Variants in MTFR1 observed in about 807,000 individuals in gnomAD.
MTFR1 encodes chondrocyte protein with a poly-proline region.
A neutral mutation model predicts 38.8 loss-of-function variants in MTFR1; 28 were observed. That is an observed-to-expected ratio of 0.72 (90% confidence interval 0.53 to 0.99). The LOEUF (loss-of-function observed/expected upper bound fraction) is 0.99, where lower values mean the gene tolerates loss of function less well. Ranked by LOEUF, MTFR1 falls within the 50% of genes least tolerant of loss-of-function variation. MTFR1 has a pLI of 0.00. For missense variants in MTFR1, 358 were observed against 395.5 expected (o/e 0.91, Z 0.81); for synonymous variants, 145 against 137.0 (o/e 1.06, Z -0.41).
rs147577462 is a variant in MTFR1, at chr8:65,768,575, T to G, written c.*49-2372T>G. On this transcript the variant is annotated intron_variant, in intron 3 of 3. Coordinates refer to the MTFR1 transcript ENST00000521247. Reference sequence around the variant, plus strand: ...TAATAAACCTCTTTCTTTTGTAGATTGCCCAATCTTGGAATGTCTTTATCA... The same window carrying G: ...TAATAAACCTCTTTCTTTTGTAGATGGCCCAATCTTGGAATGTCTTTATCA... Among the ~76,000 whole-genome samples the G allele has an allele frequency of 4.9e-4, 74 of 152,314 alleles. 2 individuals carry two copies. In the South Asian group the frequency reaches 0.015, roughly 31 times the overall value.
At chr8:65,684,822 T>C (rs1805021660) in intron 3 of MTFR1, among the ~76,000 whole-genome samples, 1 of 151,548 alleles carries the variant, frequency 6.6e-6, no homozygotes, top group Non-Finnish European at 1.5e-5. Context: ...CCGGCCAACA[T>C]GGAGAAACCC....
chr8:65,655,970 C>CATATATATATACATGTGTATATATAT (rs1809253836), intron 1 of MTFR1, among the ~76,000 whole-genome samples: 2 of 53,636 alleles, frequency 3.7e-5, no homozygotes, highest in Non-Finnish European at 6.2e-5. Context: ...ATATATATAC[C>CATATATATATACATGTGTATATATAT]ATATATATAT....
At chr8:65,756,420 T>C (rs1808242513) in intron 3 of MTFR1, among the ~76,000 whole-genome samples, 1 of 151,790 alleles carries the variant, frequency 6.6e-6, no homozygotes, top group Non-Finnish European at 1.5e-5. Flanking sequence ...TCAGGCTCTG[T>C]TCATTTCTCT....
intron 1 of MTFR1, among the ~76,000 whole-genome samples, chr8:65,657,607 G>A (rs1228821958): frequency 2.6e-5 from 4 of 151,844 alleles, no homozygotes; most frequent in Non-Finnish European, 5.9e-5. Flanking sequence ...AGGTGGCTAA[G>A]GCAGGAGAAT....
intron 3 of MTFR1, among the ~76,000 whole-genome samples, chr8:65,692,782 C>T (rs1419206764): frequency 6.6e-6 from 1 of 151,766 alleles, no homozygotes; most frequent in Non-Finnish European, 1.5e-5. Context: ...TTTTAAAAAA[C>T]ATTTTCAACA....
intron 3 of MTFR1, among the ~76,000 whole-genome samples, chr8:65,770,231 A>G (rs1277948727): frequency 6.6e-6 from 1 of 151,118 alleles, no homozygotes; most frequent in Non-Finnish European, 1.5e-5. Context: ...TCACCTCTGT[A>G]TTAGTCTGTT....
chr8:65,658,926 C>A (rs1180305746), intron 1 of MTFR1, among the ~76,000 whole-genome samples: 1 of 152,048 alleles, frequency 6.6e-6, no homozygotes, highest in Non-Finnish European at 1.5e-5. Flanking sequence ...AATAAGCAAG[C>A]AGAAACCCTT....
chr8:65,668,258 A>G (rs367975790), intron 1 of MTFR1, among the ~76,000 whole-genome samples: 1 of 148,094 alleles, frequency 6.8e-6, no homozygotes, highest in East Asian at 2.0e-4. Context: ...GCTCACTGCA[A>G]CCCCCACCTC....
chr8:65,645,678 A>T (rs1331714864), intron 1 of MTFR1, among the ~76,000 whole-genome samples: 3 of 109,156 alleles, frequency 2.7e-5, no homozygotes, highest in Admixed American at 1.2e-4. Context: ...GGCAGGCGCC[A>T]TCACGCCCGG....
At chr8:65,708,845 A>G (rs1179554489) in intron 7 of MTFR1, 131 bp from the exon 8 acceptor site, 3 of 776,700 alleles carry the variant, frequency 3.9e-6, no homozygotes, top group African/African-American at 1.7e-5. Flanking sequence ...AAAGGTTTTA[A>G]TATTCCCAGT....
intron 1 of MTFR1, among the ~76,000 whole-genome samples, chr8:65,668,525 C>T (rs376134156): frequency 1.8e-4 from 23 of 127,016 alleles, no homozygotes; most frequent in South Asian, 2.6e-4. Flanking sequence ...TTTCTTTTTT[C>T]TTTTTTTTTT....
At chr8:65,747,403 C>A (rs1807723570) in intron 3 of MTFR1, among the ~76,000 whole-genome samples, 1 of 152,092 alleles carries the variant, frequency 6.6e-6, no homozygotes, top group African/African-American at 2.4e-5. Flanking sequence ...TATTGATCTC[C>A]TTGTTACGTA....
chr8:65,755,548 T>C (rs945965704), intron 3 of MTFR1, among the ~76,000 whole-genome samples: 38 of 152,238 alleles, frequency 2.5e-4, no homozygotes, highest in African/African-American at 9.2e-4. Context: ...CTCCTTCCTA[T>C]TGTTATTATC....
At chr8:65,695,164 G>A (rs1281377849) in intron 4 of MTFR1, among the ~76,000 whole-genome samples, 1 of 152,140 alleles carries the variant, frequency 6.6e-6, no homozygotes, top group Non-Finnish European at 1.5e-5. Flanking sequence ...GAGATGATCA[G>A]AATTTAACTG....
intron 3 of MTFR1, among the ~76,000 whole-genome samples, chr8:65,764,724 A>G (rs1488546761): frequency 6.6e-6 from 1 of 152,032 alleles, no homozygotes; most frequent in Non-Finnish European, 1.5e-5. Flanking sequence ...TTCATGTCAT[A>G]ATACAACTAA....
rs71981429 is a variant in MTFR1 at position 65,743,839 on chromosome 8, C to CTT, written c.*48+24370_*48+24371dup. ...CTGGGGCAAAACATTAGCTGAATTG[C>CTT]TTTTTTTTTTTTTGAGACAGTCTCG... On this transcript the variant is annotated intron_variant, in intron 3 of 3. Coordinates refer to the MTFR1 transcript ENST00000521247. Among the ~76,000 whole-genome samples the CTT allele has an allele frequency of 4.2e-3, 617 of 145,336 alleles. 1 individual carries two copies. Among genetic ancestry groups the CTT allele is most frequent in the Non-Finnish European group, 6.2e-3 (408 of 65,946 alleles).
chr8:65,705,955 ATTG>A (rs900852952), intron 5 of MTFR1, among the ~76,000 whole-genome samples: 21 of 152,206 alleles, frequency 1.4e-4, no homozygotes, highest in African/African-American at 5.1e-4. Flanking sequence ...TTATTTTCCT[ATTG>A]TTGTTTCCAA....
intron 1 of MTFR1, among the ~76,000 whole-genome samples, chr8:65,662,331 C>G (rs899722438): frequency 3.9e-5 from 6 of 151,910 alleles, no homozygotes; most frequent in Admixed American, 2.6e-4. Context: ...AGCTCCTAAC[C>G]GCGAGTGATC....
downstream of MTFR1, among the ~76,000 whole-genome samples, chr8:65,774,692 G>C (rs1020912168): frequency 1.3e-5 from 2 of 151,208 alleles, no homozygotes; most frequent in Non-Finnish European, 3.0e-5. Context: ...AATATCTAAT[G>C]GCTAAATATT....
Sources: gnomAD v4.1 joint callset for allele counts (sites outside exome capture counted in the v4.1 genomes callset) on GRCh38, gnomAD v4.1.1 for gene constraint, MANE v1.5 for transcripts, NCBI Gene and HGNC (gene_info 2026-07-23, HGNC 2026-07-21) for gene names.